CDH18: variants seen among roughly 807,000 people sequenced by gnomAD.
CDH18 encodes cadherin-18.
A neutral mutation model predicts 67.9 loss-of-function variants in CDH18; 31 were observed. The ratio of observed to expected loss-of-function variants is 0.46; its 90% CI spans 0.34 to 0.62. The LOEUF (loss-of-function observed/expected upper bound fraction) is 0.62, where lower values mean the gene tolerates loss of function less well. CDH18 is among the 20% of genes least tolerant of loss of function. The pLI is 0.01. For synonymous variants in CDH18, 362 were observed against 347.2 expected, an observed-to-expected ratio of 1.04 and a Z score of -0.48; for missense variants, 890 against 975.5, an observed-to-expected ratio of 0.91 and a Z score of 1.17.
At chr5:20,243,205 G>A (rs1167256807) in intron 2 of CDH18, among the ~76,000 whole-genome samples, 2 of 152,126 alleles carry the variant, frequency 1.3e-5, no homozygotes, top group Non-Finnish European at 2.9e-5. Context: ...AGGCATAGGA[G>A]TTGTCCATAG....
At chr5:20,214,315 G>A (rs1251853413) in intron 2 of CDH18, among the ~76,000 whole-genome samples, 1 of 151,988 alleles carries the variant, frequency 6.6e-6, no homozygotes, top group Non-Finnish European at 1.5e-5. Flanking sequence ...AGCTACCAAT[G>A]ACATTTTCTT....
chr5:20,427,248 A>AATT (rs935279302), intron 1 of CDH18, among the ~76,000 whole-genome samples: 5 of 151,240 alleles, frequency 3.3e-5, no homozygotes, highest in African/African-American at 1.2e-4. Flanking sequence ...ATTTATACTG[A>AATT]ATTCAAAAAA....
At chr5:19,781,771 T>A (rs569707615) in intron 3 of CDH18, among the ~76,000 whole-genome samples, 6 of 152,192 alleles carry the variant, frequency 3.9e-5, no homozygotes, top group African/African-American at 1.4e-4. Flanking sequence ...AACACAATAA[T>A]AATGGAGAAG....
chr5:19,670,498 G>T (rs929554166), intron 5 of CDH18, among the ~76,000 whole-genome samples: 2 of 152,126 alleles, frequency 1.3e-5, no homozygotes, highest in South Asian at 4.1e-4. Context: ...CAGGACAAAT[G>T]TAACGTTTAT....
At chr5:19,863,317 A>C (rs1229142607) in intron 2 of CDH18, among the ~76,000 whole-genome samples, 1 of 152,154 alleles carries the variant, frequency 6.6e-6, no homozygotes, top group Admixed American at 6.5e-5. Context: ...CCGTGATGTC[A>C]AAATATCAGA....
At chr5:20,082,429 G>A (rs79122285) in intron 2 of CDH18, among the ~76,000 whole-genome samples, 3,697 of 152,250 alleles carry the variant, frequency 0.024, 144 homozygotes, top group African/African-American at 0.079. Flanking sequence ...CATCAACTCA[G>A]TAGTTTCTAA....
At chr5:19,776,303 T>C (rs1019812502) in intron 3 of CDH18, among the ~76,000 whole-genome samples, 1 of 152,160 alleles carries the variant, frequency 6.6e-6, no homozygotes, top group Non-Finnish European at 1.5e-5. Flanking sequence ...TTTTGGGCAG[T>C]CACTACAACA....
chr5:19,852,469 C>T (rs781498651), intron 2 of CDH18, among the ~76,000 whole-genome samples: 4 of 151,892 alleles, frequency 2.6e-5, no homozygotes, highest in Non-Finnish European at 5.9e-5. Flanking sequence ...GTGAAGCATT[C>T]GCTTGTAGGT....
chr5:19,515,285 C>A (rs1745797853), intron 10 of CDH18, among the ~76,000 whole-genome samples: 1 of 152,138 alleles, frequency 6.6e-6, no homozygotes, highest in Non-Finnish European at 1.5e-5. Flanking sequence ...AGCGTGATGC[C>A]TCCAGCTTTG....
In CDH18 at chr5:19,884,135, C is replaced by T. The variant is rs1002949447; in HGVS notation, c.-256-44893G>A. On this transcript the variant is annotated intron_variant, in intron 2 of 12. Transcript: ENST00000382275. ...TTTCTATATATTTTCAACTGACAGT[C>T]AATGGGAAGTTAAAATTACAGCTAC... Among the ~76,000 whole-genome samples, 8 of 152,040 alleles carry T rather than the reference C, an allele frequency of 5.3e-5. No homozygotes were observed. The East Asian group carries it at 1.5e-3, about 29-fold the overall frequency.
At chr5:19,476,193 T>C (rs1033176422) in intron 12 of CDH18, among the ~76,000 whole-genome samples, 3 of 151,818 alleles carry the variant, frequency 2.0e-5, no homozygotes, top group Non-Finnish European at 4.4e-5. Flanking sequence ...CATAGAACCA[T>C]CCAGAAACGT....
intron 9 of CDH18, among the ~76,000 whole-genome samples, chr5:19,533,428 G>C (rs573996266): frequency 5.9e-5 from 9 of 152,220 alleles, no homozygotes; most frequent in African/African-American, 2.2e-4. Context: ...TACAAACTGT[G>C]AACAGAGTAA....
intron 5 of CDH18, among the ~76,000 whole-genome samples, chr5:19,679,250 A>G (rs989182381): frequency 6.6e-6 from 1 of 152,044 alleles, no homozygotes; most frequent in African/African-American, 2.4e-5. Context: ...ATACACTTCA[A>G]CACCCCTTCA....
chr5:19,629,984 T>G (rs1423251210), intron 5 of CDH18, among the ~76,000 whole-genome samples: 1 of 152,142 alleles, frequency 6.6e-6, no homozygotes, highest in Non-Finnish European at 1.5e-5. Context: ...TCGTACAGGC[T>G]GGAGTGCAAC....
intron 3 of CDH18, among the ~76,000 whole-genome samples, chr5:19,770,276 C>A (rs1295063873): frequency 6.6e-6 from 1 of 151,022 alleles, no homozygotes; most frequent in Non-Finnish European, 1.5e-5. Context: ...CTAAAAGATA[C>A]ATGAAAATGG....
intron 2 of CDH18, among the ~76,000 whole-genome samples, chr5:20,252,135 C>T (rs988106296): frequency 2.4e-4 from 37 of 151,988 alleles, no homozygotes; most frequent in African/African-American, 8.5e-4. Flanking sequence ...GGGTGGATCA[C>T]GAGGTCAAGA....
intron 2 of CDH18, among the ~76,000 whole-genome samples, chr5:20,105,517 C>A (rs1298411976): frequency 6.6e-6 from 1 of 152,138 alleles, no homozygotes; most frequent in Non-Finnish European, 1.5e-5. Context: ...GCAATCATTA[C>A]CACCATCTAT....
chr5:20,063,897 T>C (rs911656197), intron 2 of CDH18, among the ~76,000 whole-genome samples: 4 of 152,170 alleles, frequency 2.6e-5, no homozygotes, highest in Non-Finnish European at 5.9e-5. Flanking sequence ...TTTGACACCA[T>C]TGTGCTCGGG....
intron 1 of CDH18, among the ~76,000 whole-genome samples, chr5:20,390,837 G>A (rs1281492827): frequency 1.3e-5 from 2 of 152,108 alleles, no homozygotes; most frequent in Non-Finnish European, 2.9e-5. Flanking sequence ...GTCCTTTGTA[G>A]GGACATGAAC....
Sources: gnomAD v4.1 joint callset for allele counts (sites outside exome capture counted in the v4.1 genomes callset) on GRCh38, gnomAD v4.1.1 for gene constraint, MANE v1.5 for transcripts, NCBI Gene and HGNC (gene_info 2026-07-23, HGNC 2026-07-21) for gene names.